NELL1: variants seen among roughly 807,000 people sequenced by gnomAD.
The protein encoded by NELL1 is neural EGFL like 1.
In NELL1, 76 loss-of-function variants were observed where a neutral mutation model predicts 107.4. The ratio of observed to expected loss-of-function variants is 0.71; its 90% CI spans 0.59 to 0.86. The LOEUF is 0.86. NELL1 is among the 40% of genes least tolerant of loss of function. The probability of loss-of-function intolerance (pLI) is 0.00; values close to 1 mark genes in which losing one functional copy is unlikely to be tolerated. For synonymous variants in NELL1, 353 were observed against 341.2 expected (o/e 1.03, Z -0.38); for missense variants, 1,024 against 1,005.5 (o/e 1.02, Z -0.25).
intron 15 of NELL1, among the ~76,000 whole-genome samples, chr11:21,378,538 C>T (rs937261271): frequency 1.3e-5 from 2 of 151,824 alleles, no homozygotes; most frequent in African/African-American, 4.8e-5. Context: ...TTCACCCTCT[C>T]TCAATGGTGG....
chr11:21,551,923 G>A (rs1362448938), intron 16 of NELL1, among the ~76,000 whole-genome samples: 2 of 145,248 alleles, frequency 1.4e-5, no homozygotes, highest in Non-Finnish European at 3.0e-5. Context: ...TTAAGAAAAT[G>A]TGGCACATAT....
intron 12 of NELL1, among the ~76,000 whole-genome samples, chr11:21,006,743 A>G (rs1852335693): frequency 6.6e-6 from 1 of 152,076 alleles, no homozygotes; most frequent in Non-Finnish European, 1.5e-5. Flanking sequence ...TTTATCTGAG[A>G]GCTTGGCGTT....
chr11:21,555,740 C>T (rs1856688728), intron 16 of NELL1, among the ~76,000 whole-genome samples: 2 of 151,886 alleles, frequency 1.3e-5, no homozygotes, highest in South Asian at 4.2e-4. Flanking sequence ...CTATCTCTAA[C>T]TTATCTCTTC....
chr11:20,778,845 G>T (rs1444005119), intron 2 of NELL1, among the ~76,000 whole-genome samples: 1 of 152,174 alleles, frequency 6.6e-6, no homozygotes. Flanking sequence ...TATCTAGGAG[G>T]AAACAGGGGA....
intron 12 of NELL1, among the ~76,000 whole-genome samples, chr11:21,105,851 CTCT>C (rs1427443577): frequency 3.8e-4 from 3 of 7,852 alleles, no homozygotes; most frequent in Non-Finnish European, 5.0e-4. Flanking sequence ...CCTCCCTTCC[CTCT>C]CTCCCCTCCC....
At chr11:20,739,168 C>T (rs903669996) in intron 2 of NELL1, among the ~76,000 whole-genome samples, 8 of 152,228 alleles carry the variant, frequency 5.3e-5, no homozygotes, top group African/African-American at 1.9e-4. Flanking sequence ...GTTGGACGCA[C>T]TGCCTGACAA....
intron 15 of NELL1, among the ~76,000 whole-genome samples, chr11:21,485,505 G>A (rs1287128374): frequency 1.3e-5 from 2 of 151,852 alleles, no homozygotes; most frequent in African/African-American, 2.4e-5. Flanking sequence ...GCCACTGCCA[G>A]ACCAGGAAGG....
chr11:21,147,239 A>G lies in NELL1; in HGVS notation c.1426+33525A>G, dbSNP rs111311907. ...AATTAATGGGGAAATGAGGAGCTGA[A>G]CAAAATTAAACAGATTTATTTGCTG... On this transcript the variant is annotated intron_variant, in intron 13 of 19. Coordinates refer to ENST00000357134, the MANE Select transcript of NELL1 (RefSeq NM_006157.5). Among the ~76,000 whole-genome samples, 756 of 152,272 alleles carry G rather than the reference A, an allele frequency of 5.0e-3. 5 individuals carry two copies. Among genetic ancestry groups the G allele is most frequent in the African/African-American group, 0.017 (714 of 41,544 alleles).
At chr11:21,099,004 A>T (rs1489986453) in intron 12 of NELL1, among the ~76,000 whole-genome samples, 2 of 152,040 alleles carry the variant, frequency 1.3e-5, no homozygotes, top group Non-Finnish European at 2.9e-5. Flanking sequence ...GTATTTTTCC[A>T]AAAACTCGTT....
intron 9 of NELL1, among the ~76,000 whole-genome samples, chr11:20,929,741 G>T (rs1239094301): frequency 6.6e-6 from 1 of 152,160 alleles, no homozygotes; most frequent in Non-Finnish European, 1.5e-5. Context: ...GGAGGCCGAG[G>T]CCGTCGGATC....
intron 14 of NELL1, among the ~76,000 whole-genome samples, chr11:21,249,761 G>A (rs1017108982): frequency 1.3e-5 from 2 of 152,026 alleles, no homozygotes; most frequent in Non-Finnish European, 2.9e-5. Flanking sequence ...AAACATGAGA[G>A]GAAATAGGAA....
chr11:21,386,963 G>T (rs1241983896), intron 15 of NELL1, among the ~76,000 whole-genome samples: 1 of 151,790 alleles, frequency 6.6e-6, no homozygotes, highest in East Asian at 2.0e-4. Context: ...ATTGATGTAT[G>T]CCACTTAATC....
chr11:21,079,229 T>G (rs1199946801), intron 12 of NELL1, among the ~76,000 whole-genome samples: 1 of 152,046 alleles, frequency 6.6e-6, no homozygotes, highest in East Asian at 1.9e-4. Context: ...TATGAATCTG[T>G]GTTTACTAAT....
chr11:21,016,136 C>G (rs1338187640), intron 12 of NELL1, among the ~76,000 whole-genome samples: 1 of 152,058 alleles, frequency 6.6e-6, no homozygotes, highest in East Asian at 1.9e-4. Context: ...GAAGCCTTAC[C>G]TTTCTTCCTC....
chr11:21,329,576 T>C (rs1380584322), intron 14 of NELL1, among the ~76,000 whole-genome samples: 1 of 152,208 alleles, frequency 6.6e-6, no homozygotes, highest in Non-Finnish European at 1.5e-5. Context: ...TCTACTCACT[T>C]AGCATGAATT....
chr11:21,528,695 T>A (rs1279896959), intron 15 of NELL1, among the ~76,000 whole-genome samples: 1 of 152,124 alleles, frequency 6.6e-6, no homozygotes, highest in Non-Finnish European at 1.5e-5. Flanking sequence ...AAGACAGTTA[T>A]GTTATCATTT....
At chr11:21,411,058 G>T (rs188647584) in intron 15 of NELL1, among the ~76,000 whole-genome samples, 3 of 152,084 alleles carry the variant, frequency 2.0e-5, no homozygotes, top group Admixed American at 2.0e-4. Context: ...TTCAAATACT[G>T]GTAACCACAC....
At chr11:21,406,968 C>T (rs182071411) in intron 15 of NELL1, among the ~76,000 whole-genome samples, 5 of 152,188 alleles carry the variant, frequency 3.3e-5, no homozygotes, top group Admixed American at 2.6e-4. Flanking sequence ...AACCTCTCTT[C>T]ACCCTCCTAT....
chr11:20,822,951 C>G (rs1361979473), intron 3 of NELL1, among the ~76,000 whole-genome samples: 1 of 152,194 alleles, frequency 6.6e-6, no homozygotes, highest in Non-Finnish European at 1.5e-5. Flanking sequence ...AGCATGAGCT[C>G]TGGTGGTACA....
Sources: allele counts gnomAD v4.1 joint callset (sites outside exome capture counted in the v4.1 genomes callset), GRCh38; gene constraint gnomAD v4.1.1; transcripts MANE v1.5; gene names NCBI Gene and HGNC (gene_info 2026-07-23, HGNC 2026-07-21).